The following DENND4C variants were observed in gnomAD, a reference collection of about 807,000 sequenced individuals.
DENND4C encodes the protein DENN domain-containing protein 4C.
Under a neutral mutation model 203.0 loss-of-function variants are expected in DENND4C, and 108 were observed. The observed-to-expected ratio is 0.53, with a 90% confidence interval of 0.46 to 0.62. The LOEUF is 0.62. DENND4C is among the 20% of genes least tolerant of loss of function. The probability of loss-of-function intolerance (pLI) is 0.00; values close to 1 mark genes in which losing one functional copy is unlikely to be tolerated. For synonymous variants in DENND4C, 871 were observed against 792.4 expected (o/e 1.10, Z -1.67); for missense variants, 2,481 against 2,301.2 (o/e 1.08, Z -1.60).
intron 1 of DENND4C, among the ~76,000 whole-genome samples, chr9:19,238,119 G>A (rs1181119596): frequency 1.4e-5 from 2 of 147,480 alleles, no homozygotes; most frequent in East Asian, 2.0e-4. Flanking sequence ...TTTCACTCGT[G>A]TTGCCCAGGC....
chr9:19,282,298 C>T lies in DENND4C; in HGVS notation c.306-4471C>T, dbSNP rs563503806. Among the ~76,000 whole-genome samples the T allele has an allele frequency of 4.0e-5, 6 of 151,562 alleles. No individual in the cohort carries two copies. In the East Asian group the frequency reaches 1.2e-3, roughly 29 times the overall value. On this transcript the variant is annotated intron_variant, in intron 2 of 32. Coordinates refer to ENST00000434457, the MANE Select transcript of DENND4C (RefSeq NM_001330640.2). ...TGAGACAGGGTCTCACTTTGTTGCC[C>T]AGGCTGGAGTGTAGTGGTATAGTCT... is the stretch of plus-strand genomic sequence containing the variant.
intron 10 of DENND4C, among the ~76,000 whole-genome samples, chr9:19,312,190 A>G (rs1353618145): frequency 1.3e-5 from 2 of 152,106 alleles, no homozygotes; most frequent in African/African-American, 4.8e-5. Flanking sequence ...TGGAATGTCC[A>G]CCTTCCAGGC....
chr9:19,319,221 A>ACACG (rs1842363028), intron 12 of DENND4C, among the ~76,000 whole-genome samples: 1 of 147,324 alleles, frequency 6.8e-6, no homozygotes, highest in Non-Finnish European at 1.5e-5. Flanking sequence ...GTATATATAT[A>ACACG]TATACACATT....
intron 15 of DENND4C, 59 bp downstream of exon 15, chr9:19,326,253 A>G: frequency 2.0e-6 from 3 of 1,525,624 alleles, no homozygotes; most frequent in South Asian, 1.3e-5. Flanking sequence ...TTTAATTTTT[A>G]TTAGTAGATA....
At chr9:19,335,947 G>C (rs940617502) in intron 18 of DENND4C, among the ~76,000 whole-genome samples, 3 of 152,022 alleles carry the variant, frequency 2.0e-5, no homozygotes, top group African/African-American at 7.2e-5. Context: ...CTGTTTGTGA[G>C]GAATCTTTTT....
At chr9:19,236,996 T>C (rs1822123756) in intron 1 of DENND4C, among the ~76,000 whole-genome samples, 1 of 152,248 alleles carries the variant, frequency 6.6e-6, no homozygotes, top group African/African-American at 2.4e-5. Context: ...TTTGTTCCTC[T>C]TATTATTTGG....
intron 12 of DENND4C, among the ~76,000 whole-genome samples, chr9:19,320,341 G>A (rs1435388623): frequency 2.0e-5 from 3 of 152,050 alleles, no homozygotes; most frequent in Admixed American, 6.6e-5. Flanking sequence ...TGGGATTACA[G>A]GCGCGCACCA....
chr9:19,238,670 T>C (rs1423993008), intron 1 of DENND4C, among the ~76,000 whole-genome samples: 1 of 102,298 alleles, frequency 9.8e-6, no homozygotes, highest in Non-Finnish European at 2.0e-5. Context: ...CCTTTTTTTT[T>C]GAGACAGAAT....
chr9:19,318,607 C>T (rs1313895649), intron 12 of DENND4C, among the ~76,000 whole-genome samples: 1 of 152,174 alleles, frequency 6.6e-6, no homozygotes, highest in East Asian at 1.9e-4. Flanking sequence ...AAATTATTTT[C>T]TCGTGGTTTT....
intron 1 of DENND4C, among the ~76,000 whole-genome samples, chr9:19,274,855 A>G (rs145291039): frequency 2.0e-3 from 303 of 152,356 alleles, no homozygotes; most frequent in African/African-American, 6.8e-3. Flanking sequence ...ATTTATTTAA[A>G]TGTGGAGTTT....
chr9:19,320,690 T>G (rs955841101), intron 12 of DENND4C, among the ~76,000 whole-genome samples: 2 of 152,228 alleles, frequency 1.3e-5, no homozygotes, highest in African/African-American at 4.8e-5. Context: ...CACTTCTTCC[T>G]ATTGCATCAT....
chr9:19,355,824 G>A (rs377276542), intron 26 of DENND4C, among the ~76,000 whole-genome samples: 1 of 151,998 alleles, frequency 6.6e-6, no homozygotes, highest in African/African-American at 2.4e-5. Flanking sequence ...ATTAATGTGA[G>A]GAAAATTGAC....
chr9:19,290,224 C>G (rs1411624791), intron 4 of DENND4C, among the ~76,000 whole-genome samples: 1 of 152,182 alleles, frequency 6.6e-6, no homozygotes, highest in Non-Finnish European at 1.5e-5. Flanking sequence ...GTTTCTGTCT[C>G]ATTTACTTTT....
In DENND4C at chr9:19,374,154, A is replaced by G. The variant is rs1266327969; in HGVS notation, c.*1981A>G. ...GTTTTCTGTTACATTAAGCCTCTTG[A>G]AATCTGTAATCTTTAGAATCCCAAT... is the stretch of plus-strand genomic sequence containing the variant. On this transcript the variant is annotated 3_prime_UTR_variant, in exon 33 of 33. Transcript: ENST00000434457. 6.6e-6 allele frequency among the ~76,000 whole-genome samples: 1 copy of G among 152,174 alleles called. No homozygotes were observed. The highest frequency in any genetic ancestry group is 1.5e-5 in the Non-Finnish European group (1 of 68,032).
intron 1 of DENND4C, 72 bp from the exon 2 acceptor site, chr9:19,276,086 C>A (rs1257169429): frequency 1.3e-6 from 1 of 750,284 alleles, no homozygotes; most frequent in Non-Finnish European, 1.8e-6. Context: ...TGATTGTTAA[C>A]TCAAGGATAT....
At chr9:19,275,298 CTTTT>C (rs34272025) in intron 1 of DENND4C, among the ~76,000 whole-genome samples, 32 of 87,384 alleles carry the variant, frequency 3.7e-4, no homozygotes, top group Middle Eastern at 6.0e-3. Flanking sequence ...TTTTCTTTCT[CTTTT>C]TTTTTTTTGA....
At chr9:19,235,265 G>A (rs895571859) in intron 1 of DENND4C, among the ~76,000 whole-genome samples, 1 of 152,082 alleles carries the variant, frequency 6.6e-6, no homozygotes, top group Non-Finnish European at 1.5e-5. Flanking sequence ...ACGCCTAGCC[G>A]AAAGTCGACT....
At chr9:19,259,984 G>A (rs1012712613) in intron 1 of DENND4C, among the ~76,000 whole-genome samples, 2 of 152,110 alleles carry the variant, frequency 1.3e-5, no homozygotes, top group East Asian at 1.9e-4. Context: ...ATCTATCATA[G>A]GGGATTGCTG....
At position 19,346,520 on chromosome 9, in the gene DENND4C, G is replaced by A; in HGVS notation, c.3751G>A (p.Asp1251Asn). 6.2e-7 allele frequency: 1 copy of A among 1,614,140 alleles called. No individual in the cohort carries two copies. Among genetic ancestry groups the A allele is most frequent in the South Asian group, 1.1e-5 (1 of 91,084 alleles). Residue 1251 changes from aspartate to asparagine, a missense_variant, in exon 23 of 33, where the codon GAT (aspartate) becomes AAT (asparagine). Asp to Asn is a conservative substitution (Grantham distance 23). Coordinates refer to ENST00000434457, the MANE Select transcript of DENND4C (RefSeq NM_001330640.2). Reference sequence around the variant, plus strand: ...GAGGGAAGATGTTGAAACTGGACTAGATCCTTTGTCTCTTTTAGCCACTGA... The same window carrying A: ...GAGGGAAGATGTTGAAACTGGACTAAATCCTTTGTCTCTTTTAGCCACTGA... ...VQREDVETGL[D>N]PLSLLATECT...
Sources: allele counts gnomAD v4.1 joint callset (sites outside exome capture counted in the v4.1 genomes callset), GRCh38; gene constraint gnomAD v4.1.1; transcripts MANE v1.5; gene names NCBI Gene and HGNC (gene_info 2026-07-23, HGNC 2026-07-21).